ZNF385D: variants seen among roughly 807,000 people sequenced by gnomAD.
The protein encoded by ZNF385D is zinc finger protein 659.
ZNF385D carries 15 observed loss-of-function variants against 35.8 expected under a neutral mutation model. The ratio of observed to expected loss-of-function variants is 0.42; its 90% CI spans 0.28 to 0.64. ZNF385D has a LOEUF of 0.64. Among genes scored for constraint, ZNF385D ranks in the 30% least tolerant of loss-of-function variants. The pLI, the probability that ZNF385D is intolerant of heterozygous loss-of-function variation, is 0.23. For synonymous variants in ZNF385D, 212 were observed against 186.8 expected, an observed-to-expected ratio of 1.13 and a Z score of -1.10; for missense variants, 474 against 494.6, an observed-to-expected ratio of 0.96 and a Z score of 0.39.
At chr3:21,823,261 G>C (rs2125740762) in intron 3 of ZNF385D, among the ~76,000 whole-genome samples, 1 of 152,282 alleles carries the variant, frequency 6.6e-6, no homozygotes, top group East Asian at 1.9e-4. Flanking sequence ...AATTTGGTAA[G>C]TTAAAATTAG....
chr3:22,139,345 G>C (rs1378009379), intron 3 of ZNF385D, among the ~76,000 whole-genome samples: 1 of 152,166 alleles, frequency 6.6e-6, no homozygotes, highest in Non-Finnish European at 1.5e-5. Context: ...ATTCACAATA[G>C]CAAAGACTTG....
At chr3:21,516,331 A>G (rs985093250) in intron 3 of ZNF385D, among the ~76,000 whole-genome samples, 16 of 152,236 alleles carry the variant, frequency 1.1e-4, no homozygotes, top group African/African-American at 3.9e-4. Flanking sequence ...ACAATAGGAG[A>G]CCAGAATATT....
chr3:21,462,493 A>G (rs1703238449), intron 4 of ZNF385D, among the ~76,000 whole-genome samples: 1 of 152,210 alleles, frequency 6.6e-6, no homozygotes, highest in Non-Finnish European at 1.5e-5. Context: ...CCTTGATACC[A>G]TTTTAAGGGT....
chr3:21,586,453 T>C (rs370674778), intron 2 of ZNF385D, among the ~76,000 whole-genome samples: 3 of 152,178 alleles, frequency 2.0e-5, no homozygotes, highest in African/African-American at 7.2e-5. Context: ...GTTATTAGAC[T>C]CCTATGCTGT....
chr3:21,801,018 T>C (rs2072374893), intron 3 of ZNF385D, among the ~76,000 whole-genome samples: 1 of 152,162 alleles, frequency 6.6e-6, no homozygotes. Context: ...TGAAAAAGTC[T>C]CCTTTTATTC....
intron 2 of ZNF385D, among the ~76,000 whole-genome samples, chr3:21,565,511 T>A (rs2125652803): frequency 6.6e-6 from 1 of 151,920 alleles, no homozygotes; most frequent in Non-Finnish European, 1.5e-5. Context: ...CCCAAGTAGC[T>A]GGGAGTACAG....
intron 2 of ZNF385D, among the ~76,000 whole-genome samples, chr3:22,184,424 T>C (rs1473078635): frequency 7.2e-5 from 11 of 152,176 alleles, no homozygotes; most frequent in African/African-American, 2.7e-4. Flanking sequence ...TTGTGGCAGA[T>C]CTCAAATCTT....
At chr3:21,764,944 G>C (rs542330237) in intron 3 of ZNF385D, among the ~76,000 whole-genome samples, 4 of 152,158 alleles carry the variant, frequency 2.6e-5, no homozygotes, top group South Asian at 4.1e-4. Context: ...GTCACATTAT[G>C]GATGCCCTTG....
intron 1 of ZNF385D, among the ~76,000 whole-genome samples, chr3:21,705,633 C>G (rs2067868076): frequency 6.6e-6 from 1 of 152,128 alleles, no homozygotes; most frequent in Admixed American, 6.5e-5. Context: ...CATTTTACAC[C>G]TGGGGAAATT....
At chr3:21,790,443 C>G (rs1355119831) in intron 3 of ZNF385D, among the ~76,000 whole-genome samples, 1 of 151,874 alleles carries the variant, frequency 6.6e-6, no homozygotes, top group Non-Finnish European at 1.5e-5. Context: ...GGGGTGATTG[C>G]TGTTTCTTTG....
At chr3:22,194,671 C>G (rs1382369400) in intron 2 of ZNF385D, among the ~76,000 whole-genome samples, 1 of 151,818 alleles carries the variant, frequency 6.6e-6, no homozygotes, top group African/African-American at 2.4e-5. Context: ...GTAGGCATAC[C>G]CTTTTTACAC....
intron 4 of ZNF385D, among the ~76,000 whole-genome samples, chr3:21,501,610 A>G (rs1177472732): frequency 6.6e-6 from 1 of 152,244 alleles, no homozygotes; most frequent in African/African-American, 2.4e-5. Context: ...AATTGTCTGC[A>G]TGTTTTCATA....
intron 2 of ZNF385D, among the ~76,000 whole-genome samples, chr3:21,612,251 A>AT (rs1360368061): frequency 6.6e-6 from 1 of 151,848 alleles, no homozygotes; most frequent in African/African-American, 2.4e-5. Flanking sequence ...TGCCCCGCTA[A>AT]TTTTTTTTAT....
At chr3:22,079,622 A>G (rs1421317250) in intron 3 of ZNF385D, among the ~76,000 whole-genome samples, 2 of 152,052 alleles carry the variant, frequency 1.3e-5, no homozygotes, top group Non-Finnish European at 2.9e-5. Context: ...CCTACTCTAT[A>G]TAACAGGGAG....
At chr3:21,940,496 T>G (rs1701464958) in intron 3 of ZNF385D, among the ~76,000 whole-genome samples, 1 of 152,212 alleles carries the variant, frequency 6.6e-6, no homozygotes, top group South Asian at 2.1e-4. Flanking sequence ...TATCAGTTCG[T>G]TCAACATTCA....
At chr3:21,964,451 AAG>A (rs1702779549) in intron 3 of ZNF385D, among the ~76,000 whole-genome samples, 1 of 144,916 alleles carries the variant, frequency 6.9e-6, no homozygotes, top group Admixed American at 6.9e-5. Flanking sequence ...AAAAAAGAAA[AAG>A]ATGTCCAATT....
At chr3:22,041,174 C>T (rs200298601) in intron 3 of ZNF385D, among the ~76,000 whole-genome samples, 1 of 87,268 alleles carries the variant, frequency 1.1e-5, no homozygotes, top group Admixed American at 1.5e-4. Flanking sequence ...TGATATTTTA[C>T]CCCTCTCTGG....
intron 2 of ZNF385D, among the ~76,000 whole-genome samples, chr3:22,348,868 G>A (rs1443696816): frequency 2.6e-5 from 4 of 152,144 alleles, no homozygotes; most frequent in African/African-American, 2.4e-5. Flanking sequence ...CACTCAATCT[G>A]TGGTACTTTG....
intron 3 of ZNF385D, among the ~76,000 whole-genome samples, chr3:21,825,567 C>G (rs1372827554): frequency 6.6e-6 from 1 of 152,054 alleles, no homozygotes. Flanking sequence ...TAAATTTTCA[C>G]TCTGCATTCT....
Sources: allele counts gnomAD v4.1 joint callset (sites outside exome capture counted in the v4.1 genomes callset), GRCh38; gene constraint gnomAD v4.1.1; transcripts MANE v1.5; gene names NCBI Gene and HGNC (gene_info 2026-07-23, HGNC 2026-07-21).